The following RBBP6 variants were observed in gnomAD, a reference collection of about 807,000 sequenced individuals.
The protein encoded by RBBP6 is E3 ubiquitin-protein ligase RBBP6.
A neutral mutation model predicts 167.7 loss-of-function variants in RBBP6; 25 were observed. That is an observed-to-expected ratio of 0.15 (90% confidence interval 0.11 to 0.21). The LOEUF (loss-of-function observed/expected upper bound fraction) is 0.21, where lower values mean the gene tolerates loss of function less well. RBBP6 is among the 10% of genes least tolerant of loss of function. The pLI, the probability that RBBP6 is intolerant of heterozygous loss-of-function variation, is 1.00. For synonymous variants in RBBP6, 789 were observed against 735.8 expected, an observed-to-expected ratio of 1.07 and a Z score of -1.17; for missense variants, 1,868 against 2,134.2, an observed-to-expected ratio of 0.88 and a Z score of 2.46.
At chr16:24,563,402 T>A (rs775968895) in intron 11 of RBBP6, 21 bp from the exon 12 acceptor site, 1 of 1,575,532 alleles carries the variant, frequency 6.3e-7, no homozygotes. Context: ...TATTTCTGTT[T>A]ATTTGTGGTT....
chr16:24,540,880 T>G, intron 1 of RBBP6, 88 bp downstream of exon 1: 1 of 1,475,706 alleles, frequency 6.8e-7, no homozygotes, highest in Non-Finnish European at 9.1e-7. Flanking sequence ...CGCCATTATG[T>G]CTCTAGTGGG....
rs760853076 is a variant in RBBP6 at position 24,561,936 on chromosome 16, A to G, written c.1064A>G (p.Gln355Arg). The G allele has an allele frequency of 6.2e-7, 1 of 1,613,060 alleles. No homozygotes were observed. The highest frequency in any genetic ancestry group is 1.7e-5 in the Admixed American group (1 of 60,010). The part of the protein sequence containing the change: ...PPRPLIQRNL[Q>R]PLMRSPISRQ... ...AGACCACTGATTCAGAGGAACCTACAACCTCTGATGAGATCTCCGATATCA... is the reference window on the plus strand; with the variant it reads ...AGACCACTGATTCAGAGGAACCTACGACCTCTGATGAGATCTCCGATATCA... Residue 355 changes from glutamine (Q) to arginine (R), a missense_variant, in exon 10 of 18, where the codon CAA (glutamine) becomes CGA (arginine). By Grantham distance (43) the Gln-to-Arg change is conservative. This residue lies in a region of RBBP6 where 245 missense variants were observed against 240.1 expected (regional missense o/e 1.02). Transcript: ENST00000319715.
At chr16:24,541,905 C>A (rs566098684) in intron 1 of RBBP6, among the ~76,000 whole-genome samples, 1 of 152,298 alleles carries the variant, frequency 6.6e-6, no homozygotes, top group South Asian at 2.1e-4. Context: ...GGTCCCCCAC[C>A]TCCAGCCTGT....
At chr16:24,563,372 T>A in intron 11 of RBBP6, 51 bp from the exon 12 acceptor site, 1 of 673,668 alleles carries the variant, frequency 1.5e-6, no homozygotes. Flanking sequence ...TCTTACCTCT[T>A]TTTTTTTTTT....
At chr16:24,549,287 A>G in intron 3 of RBBP6, 5 of 1,193,898 alleles carry the variant, frequency 4.2e-6, no homozygotes, top group Non-Finnish European at 5.2e-6. Context: ...TAGGTTTTAC[A>G]CTAAGGAACA....
intron 3 of RBBP6, among the ~76,000 whole-genome samples, chr16:24,549,931 A>T (rs1271494798): frequency 1.3e-5 from 2 of 152,036 alleles, no homozygotes; most frequent in African/African-American, 4.8e-5. Flanking sequence ...TTGTGATACC[A>T]TTTTAACTTT....
chr16:24,547,849 G>A (rs866819303), intron 2 of RBBP6, among the ~76,000 whole-genome samples: 1 of 152,146 alleles, frequency 6.6e-6, no homozygotes, highest in Non-Finnish European at 1.5e-5. Context: ...AATGGCAAAT[G>A]TATTTTCTGT....
intron 10 of RBBP6, 70 bp from the exon 11 acceptor site, chr16:24,563,129 G>A (rs950957006): frequency 7.8e-7 from 1 of 1,276,370 alleles, no homozygotes; most frequent in Non-Finnish European, 1.1e-6. Flanking sequence ...GTAAACAGCA[G>A]CAAACTTTTT....
chr16:24,555,376 A>T, intron 4 of RBBP6: 2 of 396,500 alleles, frequency 5.0e-6, no homozygotes, highest in Admixed American at 8.4e-5. Context: ...TGTAAGGTAC[A>T]AACAGGGTCT....
At position 24,568,731 on chromosome 16, in the gene RBBP6, T is replaced by G; in HGVS notation, c.2055-14T>G. ...ATTTCTCAACTATCAACTATTGTTT[T>G]GTTTTGTTTTTAGGTCTAAATCTCC... is the stretch of plus-strand genomic sequence containing the variant. On this transcript the variant is annotated splice_polypyrimidine_tract_variant and intron_variant, in intron 16 of 17. Coordinates refer to ENST00000319715, the MANE Select transcript of RBBP6 (RefSeq NM_006910.5). 1.9e-6 allele frequency: 3 copies of G among 1,594,842 alleles called. No homozygotes were observed. The highest frequency in any genetic ancestry group is 2.6e-6 in the Non-Finnish European group (3 of 1,169,550).
intron 1 of RBBP6, among the ~76,000 whole-genome samples, chr16:24,545,060 T>C (rs1174753207): frequency 6.6e-6 from 1 of 152,172 alleles, no homozygotes; most frequent in Non-Finnish European, 1.5e-5. Context: ...TCTCCTACAG[T>C]TTGTGCTCCA....
At chr16:24,544,189 C>T (rs1898576361) in intron 1 of RBBP6, among the ~76,000 whole-genome samples, 1 of 152,178 alleles carries the variant, frequency 6.6e-6, no homozygotes, top group Non-Finnish European at 1.5e-5. Flanking sequence ...TATTCAGAAA[C>T]TTCCTGTCAG....
intron 3 of RBBP6, 182 bp from the exon 4 acceptor site, chr16:24,553,331 A>C (rs1340961560): frequency 4.1e-6 from 2 of 491,164 alleles, no homozygotes; most frequent in Admixed American, 6.5e-5. Flanking sequence ...AGCTTTTTAT[A>C]ACTGTGTGAA....
At chr16:24,549,754 C>T (rs986728856) in intron 3 of RBBP6, among the ~76,000 whole-genome samples, 9 of 152,088 alleles carry the variant, frequency 5.9e-5, no homozygotes, top group Middle Eastern at 3.4e-3. Context: ...CCACTTCTAT[C>T]TAGTTAGTGC....
chr16:24,560,912 CTT>C (rs1899037962), intron 8 of RBBP6, among the ~76,000 whole-genome samples: 1 of 152,128 alleles, frequency 6.6e-6, no homozygotes. Flanking sequence ...ACCTGTAAAT[CTT>C]TATTTTTTGA....
rs764377046 is a variant in RBBP6 at position 24,572,103 on chromosome 16, A to G, written c.5037A>G (p.Thr1679=). ...AGAAAGCAAAAGAGAGCCTGGACAC[A>G]GCAGCAGTTGTCCAGGTGGGCATAA... ...IVEKAKESLD[T]AAVVQVGISR... The change falls in exon 18 of 18, where the codon ACA becomes ACG. Residue 1679 remains threonine (T), a synonymous_variant. Coordinates refer to ENST00000319715, the MANE Select transcript of RBBP6 (RefSeq NM_006910.5). 2 of 1,614,068 alleles carry G rather than the reference A, an allele frequency of 1.2e-6. No homozygotes were observed. The highest frequency in any genetic ancestry group is 1.7e-6 in the Non-Finnish European group (2 of 1,180,022).
intron 16 of RBBP6, among the ~76,000 whole-genome samples, chr16:24,568,287 TTTA>T (rs1899241599): frequency 6.6e-6 from 1 of 152,198 alleles, no homozygotes; most frequent in Non-Finnish European, 1.5e-5. Context: ...TACAGATCGC[TTTA>T]TTGATAGAAA....
In RBBP6 at chr16:24,569,210, ATAT is replaced by A; in HGVS notation, c.2524_2526del (p.Tyr842del). On this transcript the variant is annotated inframe_deletion, in exon 17 of 18. Transcript: ENST00000319715. ...GAAAATATAGAGAGTGGTATGAAAA[ATAT>A]TATAAAGGTTATGCTGCTGGAGCAC... The A allele has an allele frequency of 3.1e-6, 5 of 1,613,864 alleles. No homozygotes were observed. The highest frequency in any genetic ancestry group is 3.4e-6 in the Non-Finnish European group (4 of 1,179,936).
chr16:24,567,399 G>A lies in RBBP6; in HGVS notation c.1846G>A (p.Val616Ile), dbSNP rs780219594. 1.9e-6 allele frequency: 3 copies of A among 1,614,086 alleles called. No individual in the cohort carries two copies. The highest frequency in any genetic ancestry group is 2.5e-6 in the Non-Finnish European group (3 of 1,180,022). Reference sequence around the variant, plus strand: ...TCCTGCCAATTTATCAACACCTTGGGTATCATCAGGAGTGCAGACAGCTCA... The same window carrying A: ...TCCTGCCAATTTATCAACACCTTGGATATCATCAGGAGTGCAGACAGCTCA... ...PAPANLSTPWVSSGVQTAHSN... is the reference protein window; with the variant it reads ...PAPANLSTPWISSGVQTAHSN... The change falls in exon 15 of 18, where the codon GTA (valine) becomes ATA (isoleucine). Residue 616 changes from valine (V) to isoleucine (I), a missense_variant. Val to Ile is a conservative substitution (Grantham distance 29). Transcript: ENST00000319715.
Sources: allele counts gnomAD v4.1 joint callset (sites outside exome capture counted in the v4.1 genomes callset), GRCh38; gene constraint gnomAD v4.1.1; regional missense constraint gnomAD v4.1.1; transcripts MANE v1.5; gene names NCBI Gene and HGNC (gene_info 2026-07-23, HGNC 2026-07-21).